The following SPP2 variants were observed in gnomAD, a reference collection of about 807,000 sequenced individuals.
The protein encoded by SPP2 is secreted phosphoprotein 24.
A neutral mutation model predicts 28.8 loss-of-function variants in SPP2; 34 were observed. The ratio of observed to expected loss-of-function variants is 1.18; its 90% confidence interval spans 0.90 to 1.57. SPP2 has a LOEUF of 1.57. Ranked by LOEUF, SPP2 falls within the 40% of genes most tolerant of loss-of-function variation. The probability of loss-of-function intolerance (pLI) is 0.00; values close to 1 mark genes in which losing one functional copy is unlikely to be tolerated. For synonymous variants in SPP2, 96 were observed against 89.4 expected (o/e 1.07, Z -0.42); for missense variants, 269 against 263.9 (o/e 1.02, Z -0.13).
At chr2:234,063,952 T>G (rs574466387) in intron 4 of SPP2, among the ~76,000 whole-genome samples, 1 of 152,158 alleles carries the variant, frequency 6.6e-6, no homozygotes, top group Non-Finnish European at 1.5e-5. Context: ...TTTCAAAAGA[T>G]AGATATTCAA....
rs749055485 is a variant in SPP2 at position 234,067,207 on chromosome 2, T to A, written c.500-17T>A. ...CAGTGAGAGGAGTCTTGTCTTATGA[T>A]TATTACTGTGTTACAGGTCTCATTT... On this transcript the variant is annotated splice_polypyrimidine_tract_variant and intron_variant, in intron 5 of 7. Transcript: ENST00000168148. 2 of 1,611,390 alleles carry A rather than the reference T, an allele frequency of 1.2e-6. No individual in the cohort carries two copies.
chr2:234,058,890 G>C lies in SPP2; in HGVS notation c.265G>C (p.Glu89Gln). Reference sequence around the variant, plus strand: ...CATGAATTTAGAGTTCAGCATCCGGGAGACTACATGCAGGAAGGATTCTGG... The same window carrying C: ...CATGAATTTAGAGTTCAGCATCCGGCAGACTACATGCAGGAAGGATTCTGG... ...LVMNLEFSIR[E>Q]TTCRKDSGED... The change falls in exon 3 of 8, where the codon GAG (glutamate) becomes CAG (glutamine). Residue 89 changes from glutamate (E) to glutamine (Q), a missense_variant. Glu to Gln is a conservative substitution (Grantham distance 29, BLOSUM62 2). Transcript: ENST00000168148. 5.0e-6 allele frequency: 8 copies of C among 1,614,088 alleles called. No individual in the cohort carries two copies. The highest frequency in any genetic ancestry group is 6.8e-6 in the Non-Finnish European group (8 of 1,179,984).
At chr2:234,064,772 T>C (rs1693785788) in intron 4 of SPP2, among the ~76,000 whole-genome samples, 1 of 152,236 alleles carries the variant, frequency 6.6e-6, no homozygotes, top group South Asian at 2.1e-4. Context: ...TATGGATTTG[T>C]CCATTCTGAT....
At chr2:234,066,696 C>A in intron 5 of SPP2, 109 bp downstream of exon 5, 1 of 813,304 alleles carries the variant, frequency 1.2e-6, no homozygotes, top group Admixed American at 2.4e-5. Context: ...TGTAATCTTG[C>A]AACAATTACA....
In SPP2 at chr2:234,074,464, C is replaced by T. The variant is rs193154154; in HGVS notation, c.*11-2381C>T. Among the ~76,000 whole-genome samples the T allele has an allele frequency of 5.6e-3, 856 of 152,252 alleles. 36 individuals are homozygous for T. The highest frequency in any genetic ancestry group is 0.051 in the Admixed American group (779 of 15,298). Reference sequence around the variant, plus strand: ...TGTCATGGTCTCCCTTGACAGCCCCCCTACTGAAGAGAGCCAGATGCCCCA... The same window carrying T: ...TGTCATGGTCTCCCTTGACAGCCCCTCTACTGAAGAGAGCCAGATGCCCCA... On this transcript the variant is annotated intron_variant, in intron 7 of 7. Transcript: ENST00000168148.
chr2:234,062,015 C>T (rs1386207260), intron 4 of SPP2, among the ~76,000 whole-genome samples: 2 of 152,138 alleles, frequency 1.3e-5, no homozygotes, highest in Non-Finnish European at 2.9e-5. Context: ...ACACTGTGGC[C>T]CCGCTAACCA....
At chr2:234,074,528 G>A (rs1032901597) in intron 7 of SPP2, among the ~76,000 whole-genome samples, 17 of 152,118 alleles carry the variant, frequency 1.1e-4, no homozygotes, top group African/African-American at 4.1e-4. Context: ...TCCAGTGGCA[G>A]AGACATGGCT....
At chr2:234,065,987 C>T (rs1457807634) in intron 4 of SPP2, among the ~76,000 whole-genome samples, 1 of 152,138 alleles carries the variant, frequency 6.6e-6, no homozygotes, top group Non-Finnish European at 1.5e-5. Context: ...GTATGTGTCC[C>T]TTCCCAGTCC....
In SPP2 at chr2:234,066,465, A is replaced by C. The variant is rs1156850780; in HGVS notation, c.445-68A>C. On this transcript the variant is annotated intron_variant, in intron 4 of 7. Transcript: ENST00000168148. ...TCAGAGTCTTCCAGATGACATTTAC[A>C]TTTTTCAGTGTCTTTCCTTTTTCTT... is the stretch of plus-strand genomic sequence containing the variant. 3 of 1,325,888 alleles carry C rather than the reference A, an allele frequency of 2.3e-6. No homozygotes were observed. The African/African-American group carries it at 4.4e-5, about 19-fold the overall frequency. The allele number at this position is 1,325,888 out of a possible 1,614,324, so 82.1% of individuals were successfully genotyped here.
chr2:234,052,301 G>A (rs1013004263), intron 2 of SPP2, among the ~76,000 whole-genome samples: 1 of 152,152 alleles, frequency 6.6e-6, no homozygotes, highest in Non-Finnish European at 1.5e-5. Flanking sequence ...TATTTCAAAT[G>A]CCAGTTTCCA....
At chr2:234,061,958 A>G (rs1185212638) in intron 4 of SPP2, among the ~76,000 whole-genome samples, 2 of 152,188 alleles carry the variant, frequency 1.3e-5, no homozygotes, top group African/African-American at 4.8e-5. Context: ...CTTAGACCCT[A>G]TTGAAATATT....
Position 234,051,079 on chromosome 2 carries a change from G to A in SPP2, c.194G>A (p.Arg65Lys). Reference protein sequence around the residue: ...SLSPYLFRAFRSSLKRVEVLD... With the variant: ...SLSPYLFRAFKSSLKRVEVLD... ...AGTCCGTATCTGTTTCGGGCATTCA[G>A]AAGCTCATTAAAAAGAGTAAGTGCA... is the stretch of plus-strand genomic sequence containing the variant. The change falls in exon 2 of 8, where the codon AGA (arginine) becomes AAA (lysine). Residue 65 changes from arginine to lysine, a missense_variant. Transcript: ENST00000168148. 2 of 1,613,814 alleles carry A rather than the reference G, an allele frequency of 1.2e-6. No individual in the cohort carries two copies. The highest frequency in any genetic ancestry group is 1.7e-6 in the Non-Finnish European group (2 of 1,179,796).
chr2:234,067,089 A>G, intron 5 of SPP2, 135 bp from the exon 6 acceptor site: 1 of 844,994 alleles, frequency 1.2e-6, no homozygotes, highest in East Asian at 2.5e-5. Flanking sequence ...ATTAGTGCTG[A>G]CGGCAATAAA....
chr2:234,075,418 C>T (rs977026073), intron 7 of SPP2, among the ~76,000 whole-genome samples: 3 of 152,162 alleles, frequency 2.0e-5, no homozygotes, highest in Non-Finnish European at 2.9e-5. Context: ...CACCCGTCAC[C>T]GCCCTGCTCT....
intron 4 of SPP2, among the ~76,000 whole-genome samples, chr2:234,062,017 C>T (rs3819748): frequency 4.6e-5 from 7 of 152,062 alleles, no homozygotes; most frequent in South Asian, 4.1e-4. Flanking sequence ...ACTGTGGCCC[C>T]GCTAACCAGA....
At chr2:234,073,471 A>G (rs1262285843) in intron 7 of SPP2, among the ~76,000 whole-genome samples, 3 of 152,222 alleles carry the variant, frequency 2.0e-5, no homozygotes, top group Non-Finnish European at 4.4e-5. Context: ...TGAAATCCCC[A>G]GAGCCCTAAA....
rs571448309 is a variant in SPP2 at position 234,058,958 on chromosome 2, G to A, written c.333G>A (p.Val111=). 3 of 1,612,120 alleles carry A rather than the reference G, an allele frequency of 1.9e-6. No individual in the cohort carries two copies. Among genetic ancestry groups the A allele is most frequent in the Non-Finnish European group, 1.7e-6 (2 of 1,179,240 alleles). Reference sequence around the variant, plus strand: ...GTGCCTTCCAGAGGGACTACTATGTGGTAAGTGGGAGGAGACCCATCCCAG... The same window carrying A: ...GTGCCTTCCAGAGGGACTACTATGTAGTAAGTGGGAGGAGACCCATCCCAG... ...ATCAFQRDYY[V]STAVCRSTVK... is the part of the protein sequence containing the mutation. Residue 111 remains valine, a splice_region_variant and synonymous_variant, in exon 3 of 8, where the codon GTG becomes GTA. Coordinates refer to ENST00000168148, the MANE Select transcript of SPP2 (RefSeq NM_006944.3).
At chr2:234,059,009 T>C in intron 3 of SPP2, 51 bp downstream of exon 3, 1 of 1,584,330 alleles carries the variant, frequency 6.3e-7, no homozygotes, top group Non-Finnish European at 8.6e-7. Flanking sequence ...AGAGCCTCAC[T>C]TCTTCCATGA....
At chr2:234,056,000 T>C (rs1452989847) in intron 2 of SPP2, 1 of 152,194 alleles carries the variant, frequency 6.6e-6, no homozygotes, top group Non-Finnish European at 1.5e-5. Flanking sequence ...GCTGCACCCA[T>C]TAACTCATCA....
Sources: allele counts gnomAD v4.1 joint callset (sites outside exome capture counted in the v4.1 genomes callset), GRCh38; gene constraint gnomAD v4.1.1; transcripts MANE v1.5; gene names NCBI Gene and HGNC (gene_info 2026-07-23, HGNC 2026-07-21).